Variants in WDR27 observed in about 807,000 individuals in gnomAD.
WDR27 encodes WD repeat domain 27, also known as WD repeat-containing protein 27.
A neutral mutation model predicts 114.4 loss-of-function variants in WDR27; 100 were observed. The ratio of observed to expected loss-of-function variants is 0.87; its 90% CI spans 0.74 to 1.03. WDR27 has a LOEUF of 1.03. Among genes scored for constraint, WDR27 ranks in the 50% least tolerant of loss-of-function variants. The pLI, the probability that WDR27 is intolerant of heterozygous loss-of-function variation, is 0.00. For missense variants in WDR27, 1,129 were observed against 1,092.9 expected (o/e 1.03, Z -0.47); for synonymous variants, 449 against 423.1 (o/e 1.06, Z -0.75).
At chr6:169,574,984 T>C (rs1163926488) in intron 24 of WDR27, among the ~76,000 whole-genome samples, 6 of 152,130 alleles carry the variant, frequency 3.9e-5, no homozygotes, top group South Asian at 2.1e-4. Context: ...CTGGTATTTG[T>C]CTATCTGCCT....
intron 25 of WDR27, among the ~76,000 whole-genome samples, chr6:169,527,751 C>T (rs904544178): frequency 6.6e-6 from 1 of 152,090 alleles, no homozygotes; most frequent in Admixed American, 6.6e-5. Context: ...AAGGGATTAG[C>T]TGGGTGTTAC....
chr6:169,470,476 T>C (rs1786217931), intron 25 of WDR27, among the ~76,000 whole-genome samples: 1 of 152,244 alleles, frequency 6.6e-6, no homozygotes, highest in Non-Finnish European at 1.5e-5. Context: ...CAAAATACCA[T>C]ATACTACATG....
intron 3 of WDR27, 146 bp downstream of exon 3, chr6:169,672,109 A>C: frequency 2.6e-6 from 2 of 756,068 alleles, no homozygotes; most frequent in South Asian, 4.9e-5. Context: ...CCTGGGTTCA[A>C]GGTAAAGAGA....
At chr6:169,472,470 T>C (rs941391497) in intron 25 of WDR27, among the ~76,000 whole-genome samples, 3 of 152,188 alleles carry the variant, frequency 2.0e-5, no homozygotes, top group African/African-American at 7.2e-5. Context: ...TTACTTAAAT[T>C]CTCTTTACCT....
At chr6:169,687,298 T>C (rs1783250921) in intron 2 of WDR27, among the ~76,000 whole-genome samples, 1 of 152,120 alleles carries the variant, frequency 6.6e-6, no homozygotes. Flanking sequence ...AATTGCCATA[T>C]GATTCTATTT....
chr6:169,689,476 T>C (rs957045287), intron 1 of WDR27, among the ~76,000 whole-genome samples: 3 of 152,232 alleles, frequency 2.0e-5, no homozygotes, highest in Non-Finnish European at 4.4e-5. Flanking sequence ...GAAACTGCAA[T>C]TGGAACCCGC....
At chr6:169,548,369 A>G (rs1229240481) in intron 25 of WDR27, among the ~76,000 whole-genome samples, 2 of 152,154 alleles carry the variant, frequency 1.3e-5, no homozygotes, top group Admixed American at 6.5e-5. Flanking sequence ...ACTATAATAA[A>G]CAATAATTTA....
At chr6:169,559,839 T>C (rs1378527195) in intron 25 of WDR27, 1 of 152,220 alleles carries the variant, frequency 6.6e-6, no homozygotes, top group Non-Finnish European at 1.5e-5. Flanking sequence ...TGAAGTCAGA[T>C]CAATGAGGTG....
At chr6:169,474,803 C>A (rs147421782) in intron 25 of WDR27, among the ~76,000 whole-genome samples, 1 of 152,054 alleles carries the variant, frequency 6.6e-6, no homozygotes, top group Non-Finnish European at 1.5e-5. Context: ...AAATCCAGAC[C>A]TAAATTATTA....
At chr6:169,622,263 A>G (rs1216082442) in intron 21 of WDR27, among the ~76,000 whole-genome samples, 1 of 152,178 alleles carries the variant, frequency 6.6e-6, no homozygotes, top group East Asian at 1.9e-4. Context: ...GTGAAATCAA[A>G]CTGTGTTCTG....
At chr6:169,470,047 T>C (rs1786144651) in intron 25 of WDR27, among the ~76,000 whole-genome samples, 2 of 152,336 alleles carry the variant, frequency 1.3e-5, no homozygotes, top group Middle Eastern at 3.4e-3. Context: ...CTCAGCTAAA[T>C]ATCCAATTCC....
At chr6:169,518,074 G>T (rs566484510) in intron 25 of WDR27, among the ~76,000 whole-genome samples, 21 of 152,316 alleles carry the variant, frequency 1.4e-4, no homozygotes, top group African/African-American at 4.8e-4. Flanking sequence ...GGTGACCAAG[G>T]CCTTGGGAAG....
intron 1 of WDR27, among the ~76,000 whole-genome samples, chr6:169,699,613 G>A (rs1585257109): frequency 6.6e-6 from 1 of 152,156 alleles, no homozygotes; most frequent in South Asian, 2.1e-4. Flanking sequence ...AGCTATGGCA[G>A]CCTTCCAAGA....
intron 23 of WDR27, among the ~76,000 whole-genome samples, chr6:169,593,968 C>T (rs191863237): frequency 6.6e-6 from 1 of 152,234 alleles, no homozygotes; most frequent in East Asian, 1.9e-4. Context: ...TATCTCTATC[C>T]ATTTATTTCT....
At position 169,675,364 on chromosome 6, in the gene WDR27, G is replaced by C. The variant is rs1779824257; in HGVS notation, c.190-2968C>G. On this transcript the variant is annotated intron_variant, in intron 2 of 25. Transcript: ENST00000448612. ...CCTTTGCCTTCCACCATGATTGTAA[G>C]GTTCCTGAGGCCCTCACCAGAAGCC... Among the ~76,000 whole-genome samples, 3 of 152,268 alleles carry C rather than the reference G, an allele frequency of 2.0e-5. No individual in the cohort carries two copies. The East Asian group carries it at 5.8e-4, about 29-fold the overall frequency.
intron 25 of WDR27, among the ~76,000 whole-genome samples, chr6:169,519,522 G>A (rs1367022505): frequency 2.0e-5 from 3 of 151,932 alleles, no homozygotes; most frequent in African/African-American, 7.3e-5. Context: ...AGAGAATGGG[G>A]GGTGGGAAGG....
chr6:169,492,071 T>C (rs1178260925), intron 25 of WDR27, among the ~76,000 whole-genome samples: 1 of 151,714 alleles, frequency 6.6e-6, no homozygotes, highest in Non-Finnish European at 1.5e-5. Context: ...AATAAGAAAA[T>C]AGTCTGAATA....
intron 25 of WDR27, among the ~76,000 whole-genome samples, chr6:169,520,231 A>G (rs1451039820): frequency 6.6e-6 from 1 of 152,094 alleles, no homozygotes; most frequent in Admixed American, 6.5e-5. Flanking sequence ...AGCTTCCCAC[A>G]CTGCTGGAAT....
intron 25 of WDR27, among the ~76,000 whole-genome samples, chr6:169,566,216 A>C (rs1233333888): frequency 6.6e-6 from 1 of 152,264 alleles, no homozygotes; most frequent in Non-Finnish European, 1.5e-5. Flanking sequence ...AAACAATAGC[A>C]CCACTAGACA....
Sources: gnomAD v4.1 joint callset for allele counts (sites outside exome capture counted in the v4.1 genomes callset) on GRCh38, gnomAD v4.1.1 for gene constraint, MANE v1.5 for transcripts, NCBI Gene and HGNC (gene_info 2026-07-23, HGNC 2026-07-21) for gene names.